The following SLC12A7 variants were observed in gnomAD, a reference collection of about 807,000 sequenced individuals.
SLC12A7 encodes the protein K-Cl cotransporter 4.
In SLC12A7, 100 loss-of-function variants were observed where a neutral mutation model predicts 120.6. That is an observed-to-expected ratio of 0.83 (90% CI 0.71 to 0.98). The LOEUF is 0.98. SLC12A7 is among the 50% of genes least tolerant of loss of function. SLC12A7 has a pLI of 0.00. For missense variants in SLC12A7, 1,373 were observed against 1,548.1 expected (o/e 0.89, Z 1.90); for synonymous variants, 760 against 678.0 (o/e 1.12, Z -1.88).
At chr5:1,098,929 G>A (rs528013036) in intron 1 of SLC12A7, among the ~76,000 whole-genome samples, 1 of 152,000 alleles carries the variant, frequency 6.6e-6, no homozygotes, top group Admixed American at 6.5e-5. Flanking sequence ...AGAGCCACTC[G>A]CCTGGGATAG....
upstream of SLC12A7, among the ~76,000 whole-genome samples, chr5:1,113,187 T>C (rs1182750790): frequency 1.3e-5 from 2 of 152,240 alleles, no homozygotes; most frequent in East Asian, 3.9e-4. Flanking sequence ...TTATTCCTAA[T>C]CACCCACAAC....
In SLC12A7 at chr5:1,053,582, G is replaced by T. The variant is rs2150772850; in HGVS notation, c.3027-100C>A. The T allele has an allele frequency of 3.5e-6, 5 of 1,448,788 alleles. No individual in the cohort carries two copies. The South Asian group carries it at 5.3e-5, about 15-fold the overall frequency. 89.7% of individuals were successfully genotyped at this position (1,448,788 alleles called of 1,614,324 possible). A position where few individuals can be genotyped will look rare whatever the true frequency, so the allele number is the denominator to read the frequency against. ...TGATGAGCTGCATTCACACGTGTTG[G>T]AAAGGGCTGTGTGAGTCAGGATCAG... On this transcript the variant is annotated intron_variant, in intron 22 of 23. Coordinates refer to ENST00000264930, the MANE Select transcript of SLC12A7 (RefSeq NM_006598.3).
rs115122623 is a variant in SLC12A7 at position 1,051,100 on chromosome 5, C to T, written c.*1260G>A. ...GGAGGCCCAAGTCGGTGCCACTGCC[C>T]GCAGCCTGCAAATGTGACCACAACC... is the stretch of plus-strand genomic sequence containing the variant. On this transcript the variant is annotated 3_prime_UTR_variant, in exon 24 of 24. Transcript: ENST00000264930. 6.2e-3 allele frequency: 2,454 copies of T among 396,104 alleles called. 51 individuals carry two copies. Among genetic ancestry groups the T allele is most frequent in the African/African-American group, 0.045 (2,191 of 48,722 alleles). The allele number at this position is 396,104 out of a possible 1,614,324, so 24.5% of individuals were successfully genotyped here.
chr5:1,143,853 C>T, the SLC12A7 span, among the ~76,000 whole-genome samples: 1 of 151,910 alleles, frequency 6.6e-6, no homozygotes. Flanking sequence ...TCCTGGGCAC[C>T]CTGGCGCTTG....
chr5:1,108,029 T>TACAC (rs59652318), intron 1 of SLC12A7, among the ~76,000 whole-genome samples: 8 of 151,492 alleles, frequency 5.3e-5, no homozygotes, highest in Admixed American at 1.3e-4. Flanking sequence ...AACACACACA[T>TACAC]ACACACACAC....
chr5:1,082,453 G>T (rs1432283430), intron 8 of SLC12A7, among the ~76,000 whole-genome samples: 1 of 135,988 alleles, frequency 7.4e-6, no homozygotes, highest in Non-Finnish European at 1.6e-5. Flanking sequence ...TGGAAAGCCT[G>T]GGCTTCCTCT....
intron 18 of SLC12A7, among the ~76,000 whole-genome samples, chr5:1,064,936 T>TGAGAGGACACA (rs1736840579): frequency 7.1e-5 from 1 of 14,004 alleles, no homozygotes. Context: ...GAGGGGACAG[T>TGAGAGGACACA]GAGGGGACGG....
intron 1 of SLC12A7, among the ~76,000 whole-genome samples, chr5:1,108,443 G>A (rs572848462): frequency 2.0e-5 from 3 of 152,306 alleles, no homozygotes; most frequent in South Asian, 2.1e-4. Flanking sequence ...TTCCGTTCCC[G>A]CAACGCAGTG....
At chr5:1,146,846 C>T in the SLC12A7 span, among the ~76,000 whole-genome samples, 1 of 152,118 alleles carries the variant, frequency 6.6e-6, no homozygotes, top group Non-Finnish European at 1.5e-5. The surrounding 1 kb of genome is among the most constrained non-coding windows in gnomAD (Gnocchi z 6.5). Context: ...ACCTGGAAGC[C>T]CCACTTGGAG....
chr5:1,121,957 C>T, the SLC12A7 span, among the ~76,000 whole-genome samples: 1 of 152,200 alleles, frequency 6.6e-6, no homozygotes, highest in Admixed American at 6.5e-5. Flanking sequence ...TGCTTCATGC[C>T]AGGCACACAC....
At chr5:1,112,730 C>G (rs1288365410), upstream of SLC12A7, among the ~76,000 whole-genome samples, 3 of 140,882 alleles carry the variant, frequency 2.1e-5, no homozygotes, top group Non-Finnish European at 4.6e-5. Flanking sequence ...CGCTCAGACC[C>G]TGGGCTCCTA....
intron 9 of SLC12A7, 65 bp downstream of exon 9, chr5:1,081,512 A>G: frequency 6.5e-7 from 1 of 1,533,480 alleles, no homozygotes. Flanking sequence ...ACAGAGCAAG[A>G]CCTTGCCTCA....
chr5:1,089,283 G>C (rs1025690097), intron 3 of SLC12A7, among the ~76,000 whole-genome samples, 155 bp from the exon 4 acceptor site: 3 of 152,098 alleles, frequency 2.0e-5, no homozygotes, highest in Admixed American at 1.3e-4. Context: ...TCAGAGAGAG[G>C]CCCAGGACAG....
chr5:1,098,137 G>GC (rs1741510412), intron 1 of SLC12A7, among the ~76,000 whole-genome samples: 1 of 36,896 alleles, frequency 2.7e-5, no homozygotes, highest in Non-Finnish European at 4.9e-5. Flanking sequence ...TGCAAGCCCA[G>GC]CCCCCACAAC....
At chr5:1,087,396 G>C (rs1010316348) in intron 5 of SLC12A7, among the ~76,000 whole-genome samples, 1 of 152,284 alleles carries the variant, frequency 6.6e-6, no homozygotes, top group African/African-American at 2.4e-5. Flanking sequence ...AAAGGCAAAA[G>C]AGAAACTAGG....
chr5:1,073,916 C>G, intron 16 of SLC12A7, 115 bp from the exon 17 acceptor site: 1 of 1,056,750 alleles, frequency 9.5e-7, no homozygotes, highest in Non-Finnish European at 1.2e-6. Flanking sequence ...ACGGGAGATA[C>G]ATGACAGGCG....
In SLC12A7 at chr5:1,075,634, C is replaced by T. The variant is rs1738247016; in HGVS notation, c.1848-144G>A. On this transcript the variant is annotated intron_variant, in intron 14 of 23. Transcript: ENST00000264930. ...AGTCACTGACGCCTGACGACCATGG[C>T]TGTACTCAACCACCTCTGAGGGGTG... is the stretch of plus-strand genomic sequence containing the variant. 3 of 1,296,526 alleles carry T rather than the reference C, an allele frequency of 2.3e-6. No homozygotes were observed. In the South Asian group the frequency reaches 4.7e-5, roughly 20 times the overall value. The allele number at this position is 1,296,526 out of a possible 1,614,324, so 80.3% of individuals were successfully genotyped here.
At chr5:1,057,761 T>C in intron 21 of SLC12A7, 112 bp from the exon 22 acceptor site, 1 of 1,057,582 alleles carries the variant, frequency 9.5e-7, no homozygotes, top group Non-Finnish European at 1.4e-6. Context: ...TGAAGGGCCC[T>C]GTGTGCCTGA....
At chr5:1,125,923 C>CAAA in the SLC12A7 span, among the ~76,000 whole-genome samples, 468 of 100,582 alleles carry the variant, frequency 4.7e-3, 1 homozygote, top group African/African-American at 0.014. Context: ...GGCCCTGCCT[C>CAAA]AAAAAAAAAA....
Sources: allele counts gnomAD v4.1 joint callset (sites outside exome capture counted in the v4.1 genomes callset), GRCh38; gene constraint gnomAD v4.1.1; non-coding constraint Gnocchi (gnomAD v3.1); transcripts MANE v1.5; gene names NCBI Gene and HGNC (gene_info 2026-07-23, HGNC 2026-07-21).